MYL4: variants seen among roughly 807,000 people sequenced by gnomAD.
The protein encoded by MYL4 is myosin light chain 4, also known as atrial myosin light chain 1.
Under a neutral mutation model 21.6 loss-of-function variants are expected in MYL4, and 16 were observed. The observed-to-expected ratio is 0.74, with a 90% CI of 0.50 to 1.12. MYL4 has a LOEUF of 1.12. Ranked by LOEUF, MYL4 falls within the 50% of genes most tolerant of loss-of-function variation. MYL4 has a pLI of 0.00. For missense variants in MYL4, 249 were observed against 252.9 expected (o/e 0.98, Z 0.11); for synonymous variants, 82 against 95.7 (o/e 0.86, Z 0.83).
intron 1 of MYL4, among the ~76,000 whole-genome samples, chr17:47,203,721 G>C (rs903562537): frequency 3.3e-5 from 5 of 152,264 alleles, no homozygotes; most frequent in Admixed American, 1.3e-4. Context: ...TGCTATTCAG[G>C]TGTCTTGTTA....
chr17:47,225,221 AG>A (rs2042053889), downstream of MYL4, among the ~76,000 whole-genome samples: 1 of 152,192 alleles, frequency 6.6e-6, no homozygotes, highest in Non-Finnish European at 1.5e-5. Flanking sequence ...TAGAATTTAC[AG>A]TCTGGCTGGG....
chr17:47,216,122 G>C (rs1279644311), intron 2 of MYL4, among the ~76,000 whole-genome samples: 2 of 150,982 alleles, frequency 1.3e-5, no homozygotes, highest in Non-Finnish European at 2.9e-5. Context: ...CCCCTCATAG[G>C]AATTAGCTTC....
downstream of MYL4, chr17:47,223,767 T>G (rs1350316075): frequency 6.6e-6 from 1 of 151,724 alleles, no homozygotes; most frequent in Non-Finnish European, 1.5e-5. Context: ...GAGAGAGAGA[T>G]AAAGTCACCT....
At chr17:47,223,149 C>A in intron 6 of MYL4, 92 bp downstream of exon 6, 1 of 1,370,510 alleles carries the variant, frequency 7.3e-7, no homozygotes, top group East Asian at 2.3e-5. Context: ...TGTCCCAGCC[C>A]TGACCCCTTA....
At chr17:47,217,796 G>A (rs1038133810) in intron 2 of MYL4, among the ~76,000 whole-genome samples, 20 of 152,124 alleles carry the variant, frequency 1.3e-4, no homozygotes, top group Non-Finnish European at 2.2e-4. Flanking sequence ...CACTTTGGGA[G>A]GCCGACGTGG....
intron 1 of MYL4, 71 bp downstream of exon 1, chr17:47,209,628 G>C (rs1046876879): frequency 6.2e-7 from 1 of 1,611,262 alleles, no homozygotes. Context: ...GGAGCTTAGC[G>C]ATCTACTTTA....
At chr17:47,218,087 T>C (rs1470608307) in intron 2 of MYL4, among the ~76,000 whole-genome samples, 5 of 150,832 alleles carry the variant, frequency 3.3e-5, no homozygotes, top group African/African-American at 1.2e-4. Flanking sequence ...AAACCTATGA[T>C]GTAGGTACCA....
At chr17:47,217,572 T>C (rs564259855) in intron 2 of MYL4, among the ~76,000 whole-genome samples, 2 of 152,224 alleles carry the variant, frequency 1.3e-5, no homozygotes, top group African/African-American at 2.4e-5. Flanking sequence ...CAAGATCACA[T>C]GGTTAAGTGA....
At chr17:47,223,130 G>A in intron 6 of MYL4, 73 bp downstream of exon 6, 2 of 1,515,316 alleles carry the variant, frequency 1.3e-6, no homozygotes, top group South Asian at 2.3e-5. Flanking sequence ...ATGTGCCCTA[G>A]AAGGCATCTG....
At chr17:47,220,610 G>T (rs2149047952) in intron 3 of MYL4, among the ~76,000 whole-genome samples, 1 of 152,330 alleles carries the variant, frequency 6.6e-6, no homozygotes, top group South Asian at 2.1e-4. Flanking sequence ...TGTTTAGAAT[G>T]GTGAGTAAGT....
chr17:47,205,057 GGGA>G (rs2064722436), upstream of MYL4, among the ~76,000 whole-genome samples: 1 of 152,320 alleles, frequency 6.6e-6, no homozygotes, highest in South Asian at 2.1e-4. Context: ...TAGAGATGAA[GGGA>G]GGAGGAGGAG....
Position 47,219,984 on chromosome 17 carries a change from C to T in MYL4, c.244C>T (p.Leu82=), listed in dbSNP as rs2149047469. 2.5e-6 allele frequency: 4 copies of T among 1,614,218 alleles called. No homozygotes were observed. In the East Asian group the frequency reaches 6.7e-5, roughly 27 times the overall value. The change falls in exon 3 of 7, where the codon CTG becomes TTG. Residue 82 remains leucine (L), a synonymous_variant. Coordinates refer to ENST00000393450, the MANE Select transcript of MYL4 (RefSeq NM_002476.2). ...CACCTACGGCCAGTGCGGGGATGTA[C>T]TGCGGGCCCTGGGCCAGAACCCTAC... is the stretch of plus-strand genomic sequence containing the variant. ...KITYGQCGDV[L]RALGQNPTNA...
chr17:47,203,897 G>A (rs1361848429), intron 1 of MYL4, among the ~76,000 whole-genome samples: 6 of 152,140 alleles, frequency 3.9e-5, no homozygotes, highest in Non-Finnish European at 8.8e-5. Flanking sequence ...TCCATGTCAG[G>A]GCTTCACCCT....
At chr17:47,223,484 C>G (rs2064872053) in intron 6 of MYL4, 25 bp from the exon 7 acceptor site, 1 of 165,298 alleles carries the variant, frequency 6.0e-6, no homozygotes, top group Admixed American at 6.0e-5. Context: ...GTGAAATGCC[C>G]TTTCCTCCTA....
chr17:47,222,433 GC>G lies in MYL4; in HGVS notation c.543del (p.Asn182MetfsTer35), dbSNP rs1173775406. On this transcript the variant is annotated frameshift_variant, in exon 5 of 7. Coordinates refer to ENST00000393450, the MANE Select transcript of MYL4 (RefSeq NM_002476.2). LOFTEE classifies it high-confidence loss of function. ...GCAGCTGTTAGCTGGGCAAGAGGAT[GC>G]CAATGGCTGCATCAATTATGAAGGT... ...VEQLLAGQED[A>X]NGCINYEAFV... is the part of the protein sequence containing the mutation. 6.2e-7 allele frequency: 1 copy of G among 1,614,052 alleles called. No individual in the cohort carries two copies. Among genetic ancestry groups the G allele is most frequent in the Non-Finnish European group, 8.5e-7 (1 of 1,180,026 alleles).
intron 3 of MYL4, among the ~76,000 whole-genome samples, chr17:47,221,121 A>G (rs2064852699): frequency 6.6e-6 from 1 of 152,270 alleles, no homozygotes; most frequent in South Asian, 2.1e-4. Flanking sequence ...AGCCTTTTAA[A>G]TACACTACCA....
At chr17:47,206,654 T>C (rs1193655035), upstream of MYL4, among the ~76,000 whole-genome samples, 2 of 152,136 alleles carry the variant, frequency 1.3e-5, no homozygotes, top group Non-Finnish European at 2.9e-5. Context: ...GCCAGAAGCA[T>C]GTCACCCTAT....
chr17:47,203,458 T>G (rs1340079023), intron 1 of MYL4, among the ~76,000 whole-genome samples: 9 of 152,188 alleles, frequency 5.9e-5, no homozygotes, highest in Non-Finnish European at 1.3e-4. Context: ...TTTTGGTGAT[T>G]ACTTTTTCAT....
upstream of MYL4, among the ~76,000 whole-genome samples, chr17:47,204,495 ATTAACTCAT>A (rs1475041376): frequency 1.3e-5 from 2 of 152,206 alleles, no homozygotes; most frequent in Non-Finnish European, 2.9e-5. Flanking sequence ...TGCCACCTGT[ATTAACTCAT>A]TTAATCTTCA....
Sources: allele counts gnomAD v4.1 joint callset (sites outside exome capture counted in the v4.1 genomes callset), GRCh38; gene constraint gnomAD v4.1.1; transcripts MANE v1.5; gene names NCBI Gene and HGNC (gene_info 2026-07-23, HGNC 2026-07-21).